RIOK2: variants seen among roughly 807,000 people sequenced by gnomAD.
The protein encoded by RIOK2 is RIO kinase 2.
Under a neutral mutation model 62.4 loss-of-function variants are expected in RIOK2, and 46 were observed. The observed-to-expected ratio is 0.74, with a 90% CI of 0.58 to 0.94. RIOK2 has a LOEUF of 0.94. Ranked by LOEUF, RIOK2 falls within the 40% of genes least tolerant of loss-of-function variation. RIOK2 has a pLI of 0.00. For missense variants in RIOK2, 574 were observed against 658.0 expected, an observed-to-expected ratio of 0.87 and a Z score of 1.40; for synonymous variants, 197 against 216.0, an observed-to-expected ratio of 0.91 and a Z score of 0.77.
chr5:97,168,137 A>G (rs1748899108), intron 7 of RIOK2, 146 bp from the exon 8 acceptor site: 1 of 761,464 alleles, frequency 1.3e-6, no homozygotes, highest in Admixed American at 3.4e-5. Flanking sequence ...AAAATGTAAT[A>G]TTTAAATGAC....
At chr5:97,164,812 C>A in intron 9 of RIOK2, 1 of 320,898 alleles carries the variant, frequency 3.1e-6, no homozygotes, top group Non-Finnish European at 5.6e-6. Context: ...TGAGTTTTAC[C>A]AACAAAAAGT....
chr5:97,180,027 A>AATATATATATAATATATATATATT (rs1301977696), intron 1 of RIOK2, among the ~76,000 whole-genome samples: 6 of 63,450 alleles, frequency 9.5e-5, no homozygotes, highest in African/African-American at 3.5e-4. Context: ...ATATATATAT[A>AATATATATATAATATATATATATT]ATATATATAT....
chr5:97,171,338 A>C lies in RIOK2; in HGVS notation c.647T>G (p.Ile216Ser). Residue 216 changes from isoleucine to serine, a missense_variant, in exon 6 of 10, where the codon ATT becomes AGT. Coordinates refer to ENST00000283109, the MANE Select transcript of RIOK2 (RefSeq NM_018343.3). Reference sequence around the variant, plus strand: ...CAGCCCATGATTTGCAAGTTTGACAATTAGTTCCATAGCTTCATCATATAC... The same window carrying C: ...CAGCCCATGATTTGCAAGTTTGACACTTAGTTCCATAGCTTCATCATATAC... ...ASVYDEAMEL[I>S]VKLANHGLIH... 2 of 1,608,652 alleles carry C rather than the reference A, an allele frequency of 1.2e-6. No individual in the cohort carries two copies. Among genetic ancestry groups the C allele is most frequent in the South Asian group, 1.1e-5 (1 of 89,936 alleles).
At chr5:97,175,152 T>C (rs1284514414) in intron 4 of RIOK2, among the ~76,000 whole-genome samples, 1 of 152,218 alleles carries the variant, frequency 6.6e-6, no homozygotes, top group Admixed American at 6.5e-5. Context: ...GTTATTTCTT[T>C]GGCATCCACT....
intron 4 of RIOK2, 32 bp from the exon 5 acceptor site, chr5:97,173,295 G>T: frequency 2.2e-6 from 3 of 1,344,292 alleles, no homozygotes; most frequent in Non-Finnish European, 3.2e-6. Context: ...GTAAGCTAAT[G>T]AACAGGTCAT....
intron 8 of RIOK2, chr5:97,166,783 T>G (rs2112826675): frequency 2.0e-6 from 2 of 985,792 alleles, no homozygotes. Flanking sequence ...TGTTTTAATA[T>G]TTACATGCCT....
In RIOK2 at chr5:97,177,264, C is replaced by T; in HGVS notation, c.350G>A (p.Gly117Glu). 1 of 1,612,390 alleles carries T rather than the reference C, an allele frequency of 6.2e-7. No individual in the cohort carries two copies. The highest frequency in any genetic ancestry group is 8.5e-7 in the Non-Finnish European group (1 of 1,179,516). The part of the protein sequence containing the change: ...SDIYIVANEE[G>E]QQFALKLHRL... ...GTGAAGCTTTAATGCAAATTGTTGTCCTTCTTCATTTGCAACAATGTAAAT... is the reference window on the plus strand; with the variant it reads ...GTGAAGCTTTAATGCAAATTGTTGTTCTTCTTCATTTGCAACAATGTAAAT... The change falls in exon 4 of 10, where the codon GGA (glycine) becomes GAA (glutamate). Residue 117 changes from glycine (G) to glutamate (E), a missense_variant. Transcript: ENST00000283109.
rs761052914 is a variant in RIOK2 at position 97,163,207 on chromosome 5, CCTT to C, written c.1510_1512del (p.Lys504del). On this transcript the variant is annotated inframe_deletion, in exon 10 of 10. Transcript: ENST00000283109. ...TGCTGTTTTGTCAACTGACGTTTCACCTTCTGTTTCACCAGTTCCTGGAAAGAT... is the reference window on the plus strand; with the variant it reads ...TGCTGTTTTGTCAACTGACGTTTCACCTGTTTCACCAGTTCCTGGAAAGAT... The C allele has an allele frequency of 1.9e-6, 3 of 1,613,396 alleles. No homozygotes were observed. Among genetic ancestry groups the C allele is most frequent in the Admixed American group, 3.3e-5 (2 of 59,984 alleles).
chr5:97,165,322 T>C (rs1259803272), intron 8 of RIOK2, among the ~76,000 whole-genome samples, 175 bp from the exon 9 acceptor site: 1 of 152,266 alleles, frequency 6.6e-6, no homozygotes, highest in Non-Finnish European at 1.5e-5. Flanking sequence ...TTAAGTTCTA[T>C]ACATTAACAA....
intron 1 of RIOK2, among the ~76,000 whole-genome samples, chr5:97,180,385 G>C (rs998813343): frequency 4.0e-5 from 6 of 151,632 alleles, no homozygotes; most frequent in South Asian, 4.2e-4. Context: ...GGGGATATTA[G>C]TGAAAGAAAA....
chr5:97,167,434 TA>T (rs1561516087), intron 8 of RIOK2, 32 bp downstream of exon 8: 1 of 1,592,322 alleles, frequency 6.3e-7, no homozygotes, highest in East Asian at 2.2e-5. Flanking sequence ...GTCTCAAGAC[TA>T]AAGTTAAAAA....
In RIOK2 at chr5:97,167,466, C is replaced by T; in HGVS notation, c.1397+1G>A. 1.2e-6 allele frequency: 2 copies of T among 1,613,438 alleles called. No homozygotes were observed. Among genetic ancestry groups the T allele is most frequent in the Admixed American group, 1.7e-5 (1 of 59,882 alleles). On this transcript the variant is annotated splice_donor_variant, in intron 8 of 9. Transcript: ENST00000283109. LOFTEE classifies it high-confidence loss of function. ...AAAAAGCAATCGACAGAAGTCTATA[C>T]CTGAAAGGCCTGAATTCTCTATTTA...
intron 7 of RIOK2, 95 bp downstream of exon 7, chr5:97,168,665 T>C: frequency 1.3e-6 from 1 of 774,812 alleles, no homozygotes; most frequent in South Asian, 2.5e-5. Context: ...GTGTCAAAAT[T>C]TGGAAAGTTT....
chr5:97,183,154 C>T lies in RIOK2; in HGVS notation c.38G>A (p.Ser13Asn), dbSNP rs779776769. The T allele has an allele frequency of 6.2e-7, 1 of 1,614,128 alleles. No homozygotes were observed. Among genetic ancestry groups the T allele is most frequent in the South Asian group, 1.1e-5 (1 of 91,082 alleles). The change falls in exon 1 of 10, where the codon AGC becomes AAC. Residue 13 changes from serine to asparagine, a missense_variant. Transcript: ENST00000283109. Reference protein sequence around the residue: ...KVNVAKLRYMSRDDFRVLTAV... With the variant: ...KVNVAKLRYMNRDDFRVLTAV... Reference sequence around the variant, plus strand: ...GGTCAAGACCCTGAAGTCATCTCGGCTCATGTAACGCAACTTGGCCACATT... The same window carrying T: ...GGTCAAGACCCTGAAGTCATCTCGGTTCATGTAACGCAACTTGGCCACATT...
At position 97,178,379 on chromosome 5, in the gene RIOK2, G is replaced by GCTCTTCTA. The variant is rs1247291017; in HGVS notation, c.206-532_206-531insTAGAAGAG. Among the ~76,000 whole-genome samples, 374 of 100,526 alleles carry GCTCTTCTA rather than the reference G, an allele frequency of 3.7e-3. 1 individual carries two copies. Among genetic ancestry groups the GCTCTTCTA allele is most frequent in the Non-Finnish European group, 6.4e-3 (301 of 47,098 alleles). The allele number at this position is 100,526 out of a possible 152,430, so 65.9% of individuals were successfully genotyped here. On this transcript the variant is annotated intron_variant, in intron 2 of 9. Coordinates refer to ENST00000283109, the MANE Select transcript of RIOK2 (RefSeq NM_018343.3). ...TTCTACAGTACCTACATGCTCTTCT[G>GCTCTTCTA]CAGTACCTACATGCTCTTCATGCTC...
At position 97,181,388 on chromosome 5, in the gene RIOK2, T is replaced by C. The variant is rs1327949134; in HGVS notation, c.66+1738A>G. ...ATTTTATAGAAGTGAGAGTTGAAGA[T>C]GTGAAGTGGATGCTATCACTGAGCA... On this transcript the variant is annotated intron_variant, in intron 1 of 9. Transcript: ENST00000283109. Among the ~76,000 whole-genome samples the C allele has an allele frequency of 2.6e-5, 4 of 152,044 alleles. No homozygotes were observed. The East Asian group carries it at 5.8e-4, about 22-fold the overall frequency.
At chr5:97,166,189 C>T (rs975903756) in intron 8 of RIOK2, 3 of 384,788 alleles carry the variant, frequency 7.8e-6, no homozygotes, top group Admixed American at 2.8e-5. Context: ...CCTCCATAAC[C>T]CCATGGGCTA....
chr5:97,168,045 G>A, intron 7 of RIOK2, 54 bp from the exon 8 acceptor site: 1 of 1,491,320 alleles, frequency 6.7e-7, no homozygotes, highest in Non-Finnish European at 8.9e-7. Flanking sequence ...TTATCTAAGA[G>A]GAGCAAATAT....
intron 6 of RIOK2, among the ~76,000 whole-genome samples, chr5:97,170,127 A>G (rs1748958241): frequency 1.3e-5 from 2 of 152,198 alleles, no homozygotes; most frequent in East Asian, 1.9e-4. Flanking sequence ...AAGAATTAAT[A>G]TACTCTATTA....
Sources: allele counts gnomAD v4.1 joint callset (sites outside exome capture counted in the v4.1 genomes callset), GRCh38; gene constraint gnomAD v4.1.1; transcripts MANE v1.5; gene names NCBI Gene and HGNC (gene_info 2026-07-23, HGNC 2026-07-21).